Variants in GOLM1 observed in about 807,000 individuals in gnomAD.
GOLM1 encodes the protein epididymis luminal protein 46.
In GOLM1, 31 loss-of-function variants were observed where a neutral mutation model predicts 50.5. The ratio of observed to expected loss-of-function variants is 0.61; its 90% CI spans 0.46 to 0.83. The LOEUF is 0.83. GOLM1 is among the 40% of genes least tolerant of loss of function. GOLM1 has a pLI of 0.00. For missense variants in GOLM1, 491 were observed against 501.3 expected, an observed-to-expected ratio of 0.98 and a Z score of 0.20; for synonymous variants, 178 against 192.8, an observed-to-expected ratio of 0.92 and a Z score of 0.64.
At chr9:86,099,663 C>T (rs1429014204), upstream of GOLM1, 1 of 150,618 alleles carries the variant, frequency 6.6e-6, no homozygotes, top group African/African-American at 2.4e-5. Context: ...GCCGGGGCCG[C>T]GCGGACTCCC....
chr9:86,040,955 G>T, intron 5 of GOLM1, 87 bp from the exon 6 acceptor site: 1 of 1,325,702 alleles, frequency 7.5e-7, no homozygotes, highest in Non-Finnish European at 1.1e-6. Flanking sequence ...AAGAGACACA[G>T]ACCCTCTTCC....
chr9:86,078,421 A>T (rs145158404), intron 2 of GOLM1, among the ~76,000 whole-genome samples: 11 of 152,282 alleles, frequency 7.2e-5, no homozygotes, highest in Non-Finnish European at 1.5e-4. Flanking sequence ...AATCGCCCCC[A>T]GAGTAGGGGG....
intron 3 of GOLM1, among the ~76,000 whole-genome samples, chr9:86,058,959 T>C (rs146480877): frequency 3.8e-3 from 583 of 152,128 alleles, no homozygotes; most frequent in Admixed American, 6.4e-3. Flanking sequence ...GATTGAGCCA[T>C]TGCATTCCAG....
At chr9:86,029,598 C>T (rs772552220) in intron 9 of GOLM1, among the ~76,000 whole-genome samples, 55 of 151,018 alleles carry the variant, frequency 3.6e-4, no homozygotes, top group Non-Finnish European at 7.1e-4. Flanking sequence ...CATTAAATAC[C>T]TGCCATATTA....
At chr9:86,071,443 T>C (rs7855847) in intron 3 of GOLM1, among the ~76,000 whole-genome samples, 54,956 of 151,208 alleles carry the variant, frequency 0.36, 12,957 homozygotes, top group African/African-American at 0.66. Context: ...CTTTGGGAGG[T>C]CAAGGCAGGT....
intron 3 of GOLM1, among the ~76,000 whole-genome samples, chr9:86,056,035 T>C (rs1218370178): frequency 6.6e-6 from 1 of 152,092 alleles, no homozygotes; most frequent in Non-Finnish European, 1.5e-5. Flanking sequence ...CCAGAGTTGA[T>C]CTCCTGGGTA....
intron 5 of GOLM1, 37 bp from the exon 6 acceptor site, chr9:86,040,905 T>C (rs1229052984): frequency 6.2e-7 from 1 of 1,603,920 alleles, no homozygotes; most frequent in Non-Finnish European, 8.5e-7. Flanking sequence ...GCCTGACGTC[T>C]ATGACTGTGT....
chr9:86,089,166 C>CG (rs1253844691), intron 1 of GOLM1, among the ~76,000 whole-genome samples: 2 of 152,146 alleles, frequency 1.3e-5, no homozygotes, highest in African/African-American at 2.4e-5. Flanking sequence ...GGTAACCTGA[C>CG]TTTTTTCTCT....
rs1832806765 is a variant in GOLM1 at position 86,027,001 on chromosome 9, C to T, written c.*816G>A. 3.0e-6 allele frequency: 3 copies of T among 985,300 alleles called. No individual in the cohort carries two copies. The highest frequency in any genetic ancestry group is 1.2e-4 in the Admixed American group (2 of 16,254). 61.0% of individuals were successfully genotyped at this position (985,300 alleles called of 1,614,324 possible). On this transcript the variant is annotated 3_prime_UTR_variant, in exon 10 of 10. Transcript: ENST00000388712. ...CTCATGCCTTGCCTCTCACCATGCT[C>T]TGCTCCAGGTCAGCCCCCTTTTGGC...
intron 3 of GOLM1, among the ~76,000 whole-genome samples, chr9:86,053,798 CA>C (rs1833902951): frequency 1.2e-5 from 1 of 80,734 alleles, no homozygotes; most frequent in African/African-American, 4.2e-5. Context: ...CCGCTCCACA[CA>C]ACACCATACA....
chr9:86,038,411 C>T (rs1024596643), intron 6 of GOLM1, among the ~76,000 whole-genome samples: 2 of 152,128 alleles, frequency 1.3e-5, no homozygotes, highest in African/African-American at 4.8e-5. Context: ...CCCAGAGCTC[C>T]TGCGGGCATA....
At chr9:86,085,911 AT>A (rs1408884041) in intron 1 of GOLM1, among the ~76,000 whole-genome samples, 1 of 152,200 alleles carries the variant, frequency 6.6e-6, no homozygotes, top group Non-Finnish European at 1.5e-5. Context: ...AGTCTTTGCT[AT>A]CGTGAACAGT....
chr9:86,031,204 CATCT>C (rs1215802477), intron 9 of GOLM1, among the ~76,000 whole-genome samples: 16 of 150,926 alleles, frequency 1.1e-4, no homozygotes, highest in African/African-American at 3.4e-4. Flanking sequence ...AGTGAGACTC[CATCT>C]GAGGAAGAAA....
chr9:86,087,389 A>C (rs189540631), intron 1 of GOLM1, among the ~76,000 whole-genome samples: 1 of 152,332 alleles, frequency 6.6e-6, no homozygotes, highest in East Asian at 1.9e-4. Context: ...TGTTGTCTGC[A>C]AACAGGGATC....
intron 3 of GOLM1, among the ~76,000 whole-genome samples, chr9:86,060,417 C>T (rs1048891733): frequency 2.6e-5 from 4 of 152,072 alleles, no homozygotes; most frequent in Non-Finnish European, 2.9e-5. Flanking sequence ...ACACAAACAA[C>T]AAGACAAGCA....
At chr9:86,052,335 T>C (rs916557910) in intron 4 of GOLM1, among the ~76,000 whole-genome samples, 16 of 152,208 alleles carry the variant, frequency 1.1e-4, no homozygotes, top group African/African-American at 3.4e-4. Context: ...CAGCTTGCAA[T>C]GTATTTGGCA....
intron 3 of GOLM1, among the ~76,000 whole-genome samples, chr9:86,056,508 T>TAA (rs748621780): frequency 0.046 from 6,674 of 145,102 alleles, 173 homozygotes; most frequent in Middle Eastern, 0.099. Context: ...ATTTAAATTT[T>TAA]TTTTTTTTTT....
At chr9:86,037,020 A>G (rs12555913) in intron 6 of GOLM1, among the ~76,000 whole-genome samples, 355 of 152,372 alleles carry the variant, frequency 2.3e-3, no homozygotes, top group African/African-American at 8.0e-3. Flanking sequence ...TTATAAATCA[A>G]TAACAGGATG....
intron 3 of GOLM1, among the ~76,000 whole-genome samples, chr9:86,064,056 G>A (rs1834238498): frequency 6.6e-6 from 1 of 152,196 alleles, no homozygotes; most frequent in Non-Finnish European, 1.5e-5. Flanking sequence ...GACATCCCAT[G>A]ACAGGCTCAG....
Sources: allele counts gnomAD v4.1 joint callset (sites outside exome capture counted in the v4.1 genomes callset), GRCh38; gene constraint gnomAD v4.1.1; transcripts MANE v1.5; gene names NCBI Gene and HGNC (gene_info 2026-07-23, HGNC 2026-07-21).